Variants in DOCK8 observed in about 807,000 individuals in gnomAD.
The protein encoded by DOCK8 is dedicator of cytokinesis 8, also known as dedicator of cytokinesis protein 8.
A neutral mutation model predicts 245.6 loss-of-function variants in DOCK8; 141 were observed. That is an observed-to-expected ratio of 0.57 (90% CI 0.50 to 0.66). DOCK8 has a LOEUF of 0.66. Among genes scored for constraint, DOCK8 ranks in the 30% least tolerant of loss-of-function variants. DOCK8 has a pLI of 0.00. For missense variants in DOCK8, 2,965 were observed against 2,603.4 expected (o/e 1.14, Z -3.02); for synonymous variants, 1,168 against 970.2 (o/e 1.20, Z -3.79).
upstream of DOCK8, among the ~76,000 whole-genome samples, chr9:211,616 A>C (rs111408046): frequency 4.3e-3 from 659 of 152,304 alleles, 8 homozygotes; most frequent in African/African-American, 0.015. Context: ...AGTGATATTT[A>C]TAAGAAATAA....
At chr9:245,977 T>C (rs1244648265) in intron 1 of DOCK8, among the ~76,000 whole-genome samples, 2 of 152,114 alleles carry the variant, frequency 1.3e-5, no homozygotes, top group East Asian at 1.9e-4. Flanking sequence ...CCCAGCACTT[T>C]GGGAGGCCAA....
At chr9:227,486 A>C (rs975998949) in intron 1 of DOCK8, among the ~76,000 whole-genome samples, 3 of 152,176 alleles carry the variant, frequency 2.0e-5, no homozygotes, top group African/African-American at 7.2e-5. Context: ...GCAGCGTTCC[A>C]GGTGGTGGAT....
At chr9:417,799 A>C (rs181305872) in intron 29 of DOCK8, among the ~76,000 whole-genome samples, 1 of 152,362 alleles carries the variant, frequency 6.6e-6, no homozygotes, top group African/African-American at 2.4e-5. Context: ...AGTTTAAAAA[A>C]TTATGTTACA....
rs967143025 is a variant in DOCK8 at position 359,804 on chromosome 9, A to G, written c.1680-8214A>G. 2.7e-4 allele frequency among the ~76,000 whole-genome samples: 16 copies of G among 59,338 alleles called. No homozygotes were observed. In the Middle Eastern group the frequency reaches 0.045, roughly 169 times the overall value. 38.9% of individuals were successfully genotyped at this position (59,338 alleles called of 152,430 possible). A position where few individuals can be genotyped will look rare whatever the true frequency, so the allele number is the denominator to read the frequency against. On this transcript the variant is annotated intron_variant, in intron 14 of 47. Coordinates refer to ENST00000432829, the MANE Select transcript of DOCK8 (RefSeq NM_203447.4). ...ATCAATTTTTTGGCTCTGTCTTTGC[A>G]AAAAAAAAAAAAAAAAAAAATTACA...
intron 18 of DOCK8, among the ~76,000 whole-genome samples, chr9:375,488 AT>A (rs1351382135): frequency 1.3e-5 from 2 of 152,240 alleles, no homozygotes; most frequent in African/African-American, 4.8e-5. Context: ...AAGTATTAAA[AT>A]TTCATGTCTT....
chr9:345,120 C>T (rs572681864), intron 14 of DOCK8, among the ~76,000 whole-genome samples: 3 of 152,302 alleles, frequency 2.0e-5, no homozygotes, highest in South Asian at 4.1e-4. Flanking sequence ...ATCCAGATTT[C>T]TTCTCATTCC....
At chr9:235,694 C>G (rs1437904594) in intron 1 of DOCK8, among the ~76,000 whole-genome samples, 1 of 152,166 alleles carries the variant, frequency 6.6e-6, no homozygotes, top group Admixed American at 6.5e-5. Flanking sequence ...GGCATAGGAC[C>G]CTCTGAGCCA....
chr9:280,196 T>C (rs1400436428), intron 2 of DOCK8, among the ~76,000 whole-genome samples: 2 of 152,194 alleles, frequency 1.3e-5, no homozygotes, highest in Non-Finnish European at 2.9e-5. Context: ...TTTGGTGATA[T>C]TTCTAATTAT....
At chr9:336,507 A>G (rs1196037610) in intron 11 of DOCK8, 75 bp from the exon 12 acceptor site, 16 of 1,590,116 alleles carry the variant, frequency 1.0e-5, no homozygotes, top group African/African-American at 5.4e-5. Context: ...TTAATCATAC[A>G]TATTGTGAAG....
chr9:340,153 C>A lies in DOCK8; in HGVS notation c.1517-6C>A, dbSNP rs773355599. On this transcript the variant is annotated splice_region_variant and splice_polypyrimidine_tract_variant and intron_variant, in intron 13 of 47. Coordinates refer to ENST00000432829, the MANE Select transcript of DOCK8 (RefSeq NM_203447.4). ...TTACTAGAACATTCCTATTTTCTCT[C>A]TTTAGGCTTGCTAAGACTGGAGATT... 3 of 1,613,972 alleles carry A rather than the reference C, an allele frequency of 1.9e-6. No homozygotes were observed. The highest frequency in any genetic ancestry group is 2.5e-6 in the Non-Finnish European group (3 of 1,179,876).
intron 28 of DOCK8, among the ~76,000 whole-genome samples, chr9:410,021 G>C (rs1564029081): frequency 6.6e-6 from 1 of 152,048 alleles, no homozygotes; most frequent in South Asian, 2.1e-4. Flanking sequence ...AAATCATGCT[G>C]CTATAAAGAC....
chr9:256,137 C>A (rs549519118), intron 1 of DOCK8, among the ~76,000 whole-genome samples: 1 of 152,102 alleles, frequency 6.6e-6, no homozygotes, highest in Non-Finnish European at 1.5e-5. Context: ...ATTAAGGATA[C>A]AGTATTAGGA....
At chr9:310,703 C>T (rs189901560) in intron 5 of DOCK8, among the ~76,000 whole-genome samples, 38 of 152,244 alleles carry the variant, frequency 2.5e-4, no homozygotes, top group East Asian at 1.4e-3. Flanking sequence ...TCAGGTGATC[C>T]GCCCACCTCG....
At chr9:421,587 C>G (rs1397573997) in intron 32 of DOCK8, among the ~76,000 whole-genome samples, 1 of 152,176 alleles carries the variant, frequency 6.6e-6, no homozygotes. Context: ...AAAGGCTGAG[C>G]TTGAATAGAA....
chr9:301,541 G>C (rs2049546012), intron 4 of DOCK8, among the ~76,000 whole-genome samples: 1 of 152,220 alleles, frequency 6.6e-6, no homozygotes, highest in Non-Finnish European at 1.5e-5. Flanking sequence ...AACAGGAAGA[G>C]AGGAAGTCAA....
intron 1 of DOCK8, among the ~76,000 whole-genome samples, chr9:267,308 C>A (rs559311806): frequency 6.6e-5 from 10 of 152,306 alleles, no homozygotes; most frequent in Admixed American, 2.0e-4. Context: ...CAGGCTCAAG[C>A]AATCCTCCCA....
At chr9:215,093 C>T (rs1027489935) in intron 1 of DOCK8, 64 bp downstream of exon 1, 16 of 1,519,350 alleles carry the variant, frequency 1.1e-5, no homozygotes, top group Non-Finnish European at 1.4e-5. Flanking sequence ...TGAAGCGGAG[C>T]TTCGCTGCAG....
chr9:368,280 G>A (rs1167647169), intron 15 of DOCK8, 145 bp downstream of exon 15: 4 of 794,002 alleles, frequency 5.0e-6, no homozygotes, highest in Non-Finnish European at 6.9e-6. Context: ...TCTGTGCCCA[G>A]GATATCAGTG....
intron 22 of DOCK8, among the ~76,000 whole-genome samples, chr9:384,384 A>C (rs1288069725): frequency 6.6e-6 from 1 of 152,212 alleles, no homozygotes; most frequent in African/African-American, 2.4e-5. Context: ...GATAAAGAGA[A>C]ATCAAAATCT....
Sources: allele counts gnomAD v4.1 joint callset (sites outside exome capture counted in the v4.1 genomes callset), GRCh38; gene constraint gnomAD v4.1.1; transcripts MANE v1.5; gene names NCBI Gene and HGNC (gene_info 2026-07-23, HGNC 2026-07-21).